The following ANKRD28 variants were observed in gnomAD, a reference collection of about 807,000 sequenced individuals.
The protein encoded by ANKRD28 is serine/threonine-protein phosphatase 6 regulatory ankyrin repeat subunit A.
ANKRD28 carries 44 observed loss-of-function variants against 126.5 expected under a neutral mutation model. That is an observed-to-expected ratio of 0.35 (90% CI 0.27 to 0.45). ANKRD28 has a LOEUF of 0.45. Among genes scored for constraint, ANKRD28 ranks in the 20% least tolerant of loss-of-function variants. The pLI is 1.00. For missense variants in ANKRD28, 1,110 were observed against 1,316.6 expected (o/e 0.84, Z 2.43); for synonymous variants, 442 against 468.5 (o/e 0.94, Z 0.73).
intron 3 of ANKRD28, among the ~76,000 whole-genome samples, chr3:15,759,492 T>C (rs2058342911): frequency 6.6e-6 from 1 of 152,168 alleles, no homozygotes; most frequent in Non-Finnish European, 1.5e-5. Context: ...TATTCACTTG[T>C]TTGATTACAG....
chr3:15,670,245 T>A lies in ANKRD28; in HGVS notation c.*25A>T, dbSNP rs367905561. On this transcript the variant is annotated 3_prime_UTR_variant, in exon 28 of 28. Transcript: ENST00000683139. ...AAAAGCACAGTTTGAAGCTTTACTG[T>A]GAGAACTCCCTCCTCCTCAGCCTCT... 33 of 1,605,188 alleles carry A rather than the reference T, an allele frequency of 2.1e-5. No homozygotes were observed. Among genetic ancestry groups the A allele is most frequent in the Non-Finnish European group, 2.7e-5 (32 of 1,173,138 alleles).
chr3:15,688,929 A>C (rs1179807807), intron 18 of ANKRD28, among the ~76,000 whole-genome samples: 1 of 152,264 alleles, frequency 6.6e-6, no homozygotes, highest in East Asian at 1.9e-4. Context: ...ATCACTTGTT[A>C]AATGAAAGAT....
intron 17 of ANKRD28, among the ~76,000 whole-genome samples, chr3:15,693,047 T>A (rs929978057): frequency 1.3e-5 from 2 of 152,080 alleles, no homozygotes; most frequent in Non-Finnish European, 2.9e-5. Flanking sequence ...GTGTCTAGAT[T>A]AGTCAAATTC....
rs1486394619 is a variant in ANKRD28, at chr3:15,850,204, A to AAATATAT, written c.27+9172_27+9173insATATATT. ...TCTACATGCAATAAAAAAAAAAAAA[A>AAATATAT]ATATATATATATATATATATAGAGA... On this transcript the variant is annotated intron_variant, in intron 1 of 27. Coordinates refer to the ANKRD28 transcript ENST00000399451. Among the ~76,000 whole-genome samples the AAATATAT allele has an allele frequency of 1.0e-3, 57 of 54,810 alleles. 2 individuals carry two copies. The highest frequency in any genetic ancestry group is 1.3e-3 in the African/African-American group (22 of 16,920). The allele number at this position is 54,810 out of a possible 152,430, so 36.0% of individuals were successfully genotyped here.
chr3:15,741,697 C>CTTTTTTTTTTTTTTTTTTTTTTTT lies in ANKRD28; in HGVS notation c.352-4488_352-4465dup, dbSNP rs58655271. Among the ~76,000 whole-genome samples the CTTTTTTTTTTTTTTTTTTTTTTTT allele has an allele frequency of 3.3e-4, 11 of 33,664 alleles. 2 individuals are homozygous for CTTTTTTTTTTTTTTTTTTTTTTTT. The highest frequency in any genetic ancestry group is 6.3e-4 in the African/African-American group (7 of 11,130). 22.1% of individuals were successfully genotyped at this position (33,664 alleles called of 152,430 possible). Reference sequence around the variant, plus strand: ...ACCAGTTTTCCCCTTTGGTTCTATCCTTTTTTTTTTTTTTTTTTTTTTTTT... The same window carrying CTTTTTTTTTTTTTTTTTTTTTTTT: ...ACCAGTTTTCCCCTTTGGTTCTATCCTTTTTTTTTTTTTTTTTTTTTTTTTTTTTTTTTTTTTTTTTTTTTTTTT... On this transcript the variant is annotated intron_variant, in intron 4 of 27. Coordinates refer to ENST00000683139, the MANE Select transcript of ANKRD28 (RefSeq NM_001349278.2).
chr3:15,706,844 T>A (rs1029116721), intron 14 of ANKRD28, among the ~76,000 whole-genome samples: 96 of 152,222 alleles, frequency 6.3e-4, no homozygotes, highest in Admixed American at 3.9e-3. Context: ...TGACCAGTGA[T>A]GATGAGCATT....
At position 15,796,456 on chromosome 3, in the gene ANKRD28, T is replaced by G; in HGVS notation, c.66A>C (p.Lys22Asn). The G allele has an allele frequency of 7.8e-7, 1 of 1,288,634 alleles. No individual in the cohort carries two copies. Among genetic ancestry groups the G allele is most frequent in the Non-Finnish European group, 1.0e-6 (1 of 988,092 alleles). The allele number at this position is 1,288,634 out of a possible 1,614,324, so 79.8% of individuals were successfully genotyped here. A position where few individuals can be genotyped will look rare whatever the true frequency, so the allele number is the denominator to read the frequency against. ...GTAGGGATTTATTTTCCTGTGGCAA[T>G]TTAGAAATGAATGCAGGAGATTCAT... ...VEDESPAFIS[K>N]LPQENKSLHS... Residue 22 changes from lysine to asparagine, a missense_variant, in exon 1 of 28, where the codon AAA (lysine) becomes AAC (asparagine). Transcript: ENST00000683139.
intron 1 of ANKRD28, among the ~76,000 whole-genome samples, chr3:15,825,843 A>T (rs993777722): frequency 1.3e-5 from 2 of 152,190 alleles, no homozygotes; most frequent in Non-Finnish European, 2.9e-5. Context: ...ATATGTAAAA[A>T]TATATTTTAT....
At chr3:15,844,281 T>C (rs2061484990) in intron 1 of ANKRD28, among the ~76,000 whole-genome samples, 1 of 152,120 alleles carries the variant, frequency 6.6e-6, no homozygotes, top group African/African-American at 2.4e-5. Flanking sequence ...GAAAACACTA[T>C]TATACATAAT....
At chr3:15,725,483 G>A (rs1367156228) in intron 6 of ANKRD28, among the ~76,000 whole-genome samples, 1 of 152,104 alleles carries the variant, frequency 6.6e-6, no homozygotes. Flanking sequence ...CATATTGTAT[G>A]TACTTTGCTT....
chr3:15,733,939 T>C (rs116168988), intron 6 of ANKRD28, among the ~76,000 whole-genome samples: 5,140 of 152,362 alleles, frequency 0.034, 141 homozygotes, highest in Middle Eastern at 0.11. Context: ...AGACATGTTA[T>C]GTATAGACTT....
In ANKRD28 at chr3:15,679,383, T is replaced by C. The variant is rs763161545; in HGVS notation, c.2479A>G (p.Ile827Val). 4.3e-6 allele frequency: 7 copies of C among 1,613,872 alleles called. No individual in the cohort carries two copies. The highest frequency in any genetic ancestry group is 5.1e-6 in the Non-Finnish European group (6 of 1,179,840). Reference sequence around the variant, plus strand: ...TCAGCAGCACCTTCGTTGTCATTTATCCTGTGTAAGGTAACAAGGTGATCA... The same window carrying C: ...TCAGCAGCACCTTCGTTGTCATTTACCCTGTGTAAGGTAACAAGGTGATCA... ...NAFSPLHCAV[I>V]NDNEGAAEML... The change falls in exon 23 of 28, where the codon ATA (isoleucine) becomes GTA (valine). Residue 827 changes from isoleucine (I) to valine (V), a missense_variant and splice_region_variant. Physicochemically the swap from Ile to Val is conservative, Grantham distance 29. Transcript: ENST00000683139.
At chr3:15,819,761 C>T (rs1041742761) in intron 1 of ANKRD28, among the ~76,000 whole-genome samples, 2 of 152,134 alleles carry the variant, frequency 1.3e-5, no homozygotes, top group African/African-American at 2.4e-5. Flanking sequence ...GAAACAGATA[C>T]ATTTTACTCT....
intron 1 of ANKRD28, among the ~76,000 whole-genome samples, chr3:15,806,301 T>G (rs972216449): frequency 6.6e-6 from 1 of 152,218 alleles, no homozygotes; most frequent in African/African-American, 2.4e-5. Context: ...CCTATAAGAA[T>G]TGATAATTAG....
chr3:15,839,533 A>C lies in ANKRD28; in HGVS notation c.27+19844T>G, dbSNP rs2061389011. Among the ~76,000 whole-genome samples, 1 of 152,172 alleles carries C rather than the reference A, an allele frequency of 6.6e-6. No individual in the cohort carries two copies. Among genetic ancestry groups the C allele is most frequent in the Admixed American group, 6.5e-5 (1 of 15,274 alleles). On this transcript the variant is annotated intron_variant, in intron 1 of 27. Transcript: ENST00000399451. The surrounding 1 kb of genome is among the most constrained non-coding windows in gnomAD (Gnocchi z 4.3). ...AGAGGGCTACTTGAAGAGTGGGTCAAATTTCCATCTGCAGGGTAAATAATA... is the reference window on the plus strand; with the variant it reads ...AGAGGGCTACTTGAAGAGTGGGTCACATTTCCATCTGCAGGGTAAATAATA...
At chr3:15,759,077 T>G (rs749104660) in intron 3 of ANKRD28, among the ~76,000 whole-genome samples, 1 of 152,172 alleles carries the variant, frequency 6.6e-6, no homozygotes, top group Non-Finnish European at 1.5e-5. Context: ...CAGCAAATAG[T>G]CTTTAAAAGT....
chr3:15,756,716 G>A (rs2058181113), intron 3 of ANKRD28, among the ~76,000 whole-genome samples: 1 of 152,148 alleles, frequency 6.6e-6, no homozygotes, highest in Non-Finnish European at 1.5e-5. Context: ...GTGAGGGGGA[G>A]GTGGATATGA....
intron 9 of ANKRD28, 115 bp from the exon 10 acceptor site, chr3:15,713,756 T>G (rs1396869263): frequency 1.9e-6 from 1 of 538,606 alleles, no homozygotes; most frequent in Non-Finnish European, 3.2e-6. Flanking sequence ...TACAGCAATT[T>G]TAACTAGATT....
Position 15,846,287 on chromosome 3 carries a change from G to A in ANKRD28, c.27+13090C>T, listed in dbSNP as rs1406111384. On this transcript the variant is annotated intron_variant, in intron 1 of 27. Coordinates refer to the ANKRD28 transcript ENST00000399451. This position sits in a 1 kb window ranked among gnomAD's most constrained non-coding sequence, Gnocchi z 5.4. Reference sequence around the variant, plus strand: ...TGGGAGACACTGGCCAAAACAAAGAGGCTACTGGCCCCATGCAAGTCTGAA... The same window carrying A: ...TGGGAGACACTGGCCAAAACAAAGAAGCTACTGGCCCCATGCAAGTCTGAA... Among the ~76,000 whole-genome samples the A allele has an allele frequency of 6.6e-6, 1 of 152,204 alleles. No homozygotes were observed. Among genetic ancestry groups the A allele is most frequent in the African/African-American group, 2.4e-5 (1 of 41,462 alleles).
Sources: allele counts gnomAD v4.1 joint callset (sites outside exome capture counted in the v4.1 genomes callset), GRCh38; gene constraint gnomAD v4.1.1; non-coding constraint Gnocchi (gnomAD v3.1); transcripts MANE v1.5; gene names NCBI Gene and HGNC (gene_info 2026-07-23, HGNC 2026-07-21).